Variants in KDM4C observed in about 807,000 individuals in gnomAD.
KDM4C encodes the protein lysine-specific demethylase 4C.
Under a neutral mutation model 129.3 loss-of-function variants are expected in KDM4C, and 81 were observed. The ratio of observed to expected loss-of-function variants is 0.63; its 90% CI spans 0.52 to 0.75. KDM4C has a LOEUF of 0.75. KDM4C is among the 30% of genes least tolerant of loss of function. The probability of loss-of-function intolerance (pLI) is 0.00; values close to 1 mark genes in which losing one functional copy is unlikely to be tolerated. For synonymous variants in KDM4C, 573 were observed against 456.1 expected, an observed-to-expected ratio of 1.26 and a Z score of -3.26; for missense variants, 1,457 against 1,304.0, an observed-to-expected ratio of 1.12 and a Z score of -1.81.
chr9:7,161,094 G>C (rs957859972), intron 19 of KDM4C, among the ~76,000 whole-genome samples: 1 of 152,150 alleles, frequency 6.6e-6, no homozygotes, highest in Non-Finnish European at 1.5e-5. Context: ...AGACTGCTGC[G>C]CTAGCAGTGA....
intron 19 of KDM4C, among the ~76,000 whole-genome samples, chr9:7,151,516 T>A (rs550651302): frequency 7.3e-5 from 11 of 151,482 alleles, no homozygotes; most frequent in East Asian, 1.9e-4. Context: ...TCTCTACTTT[T>A]AAAAAAAAAT....
chr9:7,164,633 C>G (rs975380232), intron 19 of KDM4C, among the ~76,000 whole-genome samples: 17 of 152,154 alleles, frequency 1.1e-4, no homozygotes, highest in Non-Finnish European at 2.5e-4. Context: ...CCTGTTTTCC[C>G]TTCTCTGCTT....
intron 1 of KDM4C, among the ~76,000 whole-genome samples, chr9:6,772,838 GCGTGC>G (rs1367876736): frequency 9.4e-5 from 14 of 149,692 alleles, no homozygotes; most frequent in East Asian, 4.0e-4. Flanking sequence ...GATTACAGGT[GCGTGC>G]CACCCCCATG....
At chr9:7,153,233 G>A (rs1842873998) in intron 19 of KDM4C, among the ~76,000 whole-genome samples, 1 of 152,118 alleles carries the variant, frequency 6.6e-6, no homozygotes, top group African/African-American at 2.4e-5. Context: ...GAGCCACCAT[G>A]CCCAGCCTTA....
At chr9:6,742,431 C>T (rs116047593) in intron 1 of KDM4C, among the ~76,000 whole-genome samples, 2 of 151,958 alleles carry the variant, frequency 1.3e-5, no homozygotes, top group Non-Finnish European at 2.9e-5. Flanking sequence ...ATCAAGCAGC[C>T]CCCTGAAACA....
At chr9:6,740,604 C>T (rs1053039181) in intron 1 of KDM4C, among the ~76,000 whole-genome samples, 1 of 151,986 alleles carries the variant, frequency 6.6e-6, no homozygotes, top group Admixed American at 6.6e-5. Context: ...CTGCAACCTC[C>T]ATCTCCTGGG....
At chr9:6,949,724 C>T (rs927668176) in intron 8 of KDM4C, among the ~76,000 whole-genome samples, 9 of 152,180 alleles carry the variant, frequency 5.9e-5, no homozygotes, top group Admixed American at 5.2e-4. Context: ...CGCCTGCAAT[C>T]GCAGGCACTC....
At chr9:6,770,379 T>C (rs111565172) in intron 1 of KDM4C, among the ~76,000 whole-genome samples, 2,305 of 152,278 alleles carry the variant, frequency 0.015, 65 homozygotes, top group African/African-American at 0.052. Flanking sequence ...TGTCAACTTA[T>C]CAGTTTGGAT....
chr9:6,994,605 A>G (rs1407237133), intron 12 of KDM4C, among the ~76,000 whole-genome samples: 1 of 152,040 alleles, frequency 6.6e-6, no homozygotes. Flanking sequence ...AGCTTAAATC[A>G]CTTATGGATT....
chr9:6,963,831 C>G (rs1243994482), intron 8 of KDM4C, among the ~76,000 whole-genome samples: 1 of 152,180 alleles, frequency 6.6e-6, no homozygotes, highest in Non-Finnish European at 1.5e-5. Flanking sequence ...GGTGTTTCCG[C>G]CACCCTGACA....
At chr9:6,958,232 A>G (rs1357038545) in intron 8 of KDM4C, among the ~76,000 whole-genome samples, 2 of 152,170 alleles carry the variant, frequency 1.3e-5, no homozygotes, top group Non-Finnish European at 1.5e-5. Context: ...TAATAATAAT[A>G]CAATAGTATT....
At chr9:6,953,048 G>A (rs1828462076) in intron 8 of KDM4C, among the ~76,000 whole-genome samples, 1 of 152,144 alleles carries the variant, frequency 6.6e-6, no homozygotes, top group South Asian at 2.1e-4. Context: ...TGCATTATCT[G>A]AGCCATTTTC....
At chr9:6,849,196 T>C (rs1355653439) in intron 4 of KDM4C, among the ~76,000 whole-genome samples, 1 of 152,176 alleles carries the variant, frequency 6.6e-6, no homozygotes. Context: ...TTTGAATCAG[T>C]AATTTTTTGC....
intron 8 of KDM4C, among the ~76,000 whole-genome samples, chr9:6,921,046 T>TG (rs1370642579): frequency 2.6e-5 from 4 of 152,302 alleles, no homozygotes; most frequent in Non-Finnish European, 5.9e-5. Context: ...CTTTCTGAGA[T>TG]GGTACACATT....
chr9:6,893,258 A>G, intron 8 of KDM4C, 26 bp downstream of exon 8: 2 of 1,588,294 alleles, frequency 1.3e-6, no homozygotes, highest in African/African-American at 1.4e-5. Context: ...AAAATAAAGC[A>G]AAAATTAAAT....
intron 12 of KDM4C, among the ~76,000 whole-genome samples, chr9:6,997,513 C>G (rs565859809): frequency 1.3e-5 from 2 of 152,342 alleles, no homozygotes; most frequent in South Asian, 4.1e-4. Flanking sequence ...GTTTATACCT[C>G]TTCTTCTAAG....
chr9:7,019,980 C>G (rs1031263136), intron 15 of KDM4C, among the ~76,000 whole-genome samples: 3 of 151,762 alleles, frequency 2.0e-5, no homozygotes, highest in Non-Finnish European at 4.4e-5. Context: ...AGATGTCGCT[C>G]TAGACTCAAA....
At chr9:6,933,063 C>A (rs56258195) in intron 8 of KDM4C, among the ~76,000 whole-genome samples, 38,830 of 151,648 alleles carry the variant, frequency 0.26, 5,371 homozygotes, top group South Asian at 0.4. Context: ...GGTGAAATAC[C>A]ATCTCAAAGA....
intron 16 of KDM4C, among the ~76,000 whole-genome samples, chr9:7,047,698 C>G (rs866844979): frequency 2.0e-5 from 3 of 151,896 alleles, no homozygotes; most frequent in South Asian, 4.1e-4. Context: ...TAAATTGCAT[C>G]TAAAATTTAA....
Sources: gnomAD v4.1 joint callset for allele counts (sites outside exome capture counted in the v4.1 genomes callset) on GRCh38, gnomAD v4.1.1 for gene constraint, MANE v1.5 for transcripts, NCBI Gene and HGNC (gene_info 2026-07-23, HGNC 2026-07-21) for gene names.